Variants in NRXN1 observed in about 807,000 individuals in gnomAD.
The protein encoded by NRXN1 is neurexin-1.
NRXN1 carries 39 observed loss-of-function variants against 150.9 expected under a neutral mutation model. The ratio of observed to expected loss-of-function variants is 0.26; its 90% confidence interval spans 0.20 to 0.34. The LOEUF (loss-of-function observed/expected upper bound fraction) is 0.34. Among genes scored for constraint, NRXN1 ranks in the 10% least tolerant of loss-of-function variants. The probability of loss-of-function intolerance (pLI) is 1.00; values close to 1 mark genes in which losing one functional copy is unlikely to be tolerated. For synonymous variants in NRXN1, 924 were observed against 757.0 expected (o/e 1.22, Z -3.62); for missense variants, 1,815 against 1,949.9 (o/e 0.93, Z 1.30).
chr2:50,242,956 A>C (rs1202213507), intron 17 of NRXN1, among the ~76,000 whole-genome samples: 1 of 151,758 alleles, frequency 6.6e-6, no homozygotes, highest in Non-Finnish European at 1.5e-5. Flanking sequence ...ATCAGGTCGA[A>C]ACAAAAAATG....
At chr2:50,196,254 T>G (rs1244694084) in intron 18 of NRXN1, among the ~76,000 whole-genome samples, 1 of 152,104 alleles carries the variant, frequency 6.6e-6, no homozygotes, top group Non-Finnish European at 1.5e-5. Flanking sequence ...TAGGGTAGAT[T>G]CACTCCCTGA....
At chr2:50,322,650 A>T (rs1483672940) in intron 17 of NRXN1, among the ~76,000 whole-genome samples, 1 of 152,206 alleles carries the variant, frequency 6.6e-6, no homozygotes, top group Non-Finnish European at 1.5e-5. Context: ...CTTCACCAAG[A>T]TTTATTTGTA....
chr2:50,691,712 G>A (rs1271460230), intron 5 of NRXN1, among the ~76,000 whole-genome samples: 1 of 152,044 alleles, frequency 6.6e-6, no homozygotes, highest in Non-Finnish European at 1.5e-5. Flanking sequence ...TAGGACTCTT[G>A]CCCTCGCCAC....
chr2:50,983,589 T>C (rs1218535689), intron 2 of NRXN1, among the ~76,000 whole-genome samples: 2 of 152,122 alleles, frequency 1.3e-5, no homozygotes, highest in African/African-American at 4.8e-5. Flanking sequence ...GGTAAACACA[T>C]CCTTCCAGGG....
At chr2:50,466,630 A>G (rs2088892663) in intron 16 of NRXN1, 1 of 367,956 alleles carries the variant, frequency 2.7e-6, no homozygotes, top group Non-Finnish European at 5.3e-6. Flanking sequence ...GAGCAAACAA[A>G]TTAATACTAA....
chr2:50,910,821 A>G (rs1422573363), intron 5 of NRXN1, among the ~76,000 whole-genome samples: 1 of 151,974 alleles, frequency 6.6e-6, no homozygotes, highest in Non-Finnish European at 1.5e-5. Context: ...CCAAAAAAGT[A>G]AGATTCAGTC....
intron 5 of NRXN1, among the ~76,000 whole-genome samples, chr2:50,678,996 G>T (rs1223362617): frequency 6.6e-6 from 1 of 152,068 alleles, no homozygotes; most frequent in Admixed American, 6.6e-5. Context: ...TGGGAAGGAA[G>T]GAATTGTCTA....
chr2:50,328,482 A>G (rs1205717592), intron 17 of NRXN1, among the ~76,000 whole-genome samples: 1 of 152,132 alleles, frequency 6.6e-6, no homozygotes, highest in East Asian at 1.9e-4. Context: ...CACACCTATA[A>G]TCCCAGCACT....
At chr2:50,736,292 T>C (rs1387143831) in intron 5 of NRXN1, among the ~76,000 whole-genome samples, 1 of 152,192 alleles carries the variant, frequency 6.6e-6, no homozygotes, top group Non-Finnish European at 1.5e-5. Context: ...ACAAATGTCA[T>C]TTCTTTAGAA....
intron 2 of NRXN1, among the ~76,000 whole-genome samples, chr2:50,938,636 T>A (rs1463307857): frequency 6.6e-6 from 1 of 152,192 alleles, no homozygotes; most frequent in African/African-American, 2.4e-5. Context: ...ACTGGGTAAT[T>A]CATAAAGAGT....
At chr2:50,535,868 T>C (rs2093245185) in intron 10 of NRXN1, among the ~76,000 whole-genome samples, 2 of 152,212 alleles carry the variant, frequency 1.3e-5, no homozygotes, top group African/African-American at 4.8e-5. Context: ...GAACATGTTT[T>C]TTAATTACTT....
chr2:50,680,032 G>A (rs1034607529), intron 5 of NRXN1, among the ~76,000 whole-genome samples: 2 of 151,876 alleles, frequency 1.3e-5, no homozygotes, highest in Non-Finnish European at 2.9e-5. Flanking sequence ...GGTGGGGGTT[G>A]GGGTGGGGGG....
chr2:50,156,835 C>G (rs973337938), intron 18 of NRXN1, among the ~76,000 whole-genome samples: 3 of 151,940 alleles, frequency 2.0e-5, no homozygotes, highest in South Asian at 2.1e-4. Flanking sequence ...TTTGAATTAC[C>G]TGCAACATGT....
intron 19 of NRXN1, among the ~76,000 whole-genome samples, chr2:50,061,456 A>T (rs1158652954): frequency 6.6e-6 from 1 of 152,206 alleles, no homozygotes; most frequent in Non-Finnish European, 1.5e-5. Context: ...AAACAAGTGG[A>T]ATGTCCCTGA....
chr2:50,866,783 C>T (rs767630450), intron 5 of NRXN1, among the ~76,000 whole-genome samples: 4 of 151,818 alleles, frequency 2.6e-5, no homozygotes, highest in Non-Finnish European at 4.4e-5. Flanking sequence ...TCATGCTACT[C>T]TGGAGAATTC....
intron 5 of NRXN1, among the ~76,000 whole-genome samples, chr2:50,648,087 C>T (rs1685085735): frequency 6.6e-6 from 1 of 151,850 alleles, no homozygotes; most frequent in South Asian, 2.1e-4. Context: ...AATTTAGACT[C>T]ATTTCATTAT....
At chr2:50,232,539 A>G (rs1376659382) in intron 18 of NRXN1, among the ~76,000 whole-genome samples, 1 of 151,674 alleles carries the variant, frequency 6.6e-6, no homozygotes, top group Non-Finnish European at 1.5e-5. Context: ...GGCATGTGTC[A>G]CCACACCCAG....
At chr2:50,459,954 C>T (rs542266191) in intron 17 of NRXN1, among the ~76,000 whole-genome samples, 7 of 152,154 alleles carry the variant, frequency 4.6e-5, no homozygotes, top group Non-Finnish European at 7.4e-5. Flanking sequence ...ATGGAAGTAA[C>T]ATGATAAACA....
chr2:50,080,353 T>C (rs552509580), intron 19 of NRXN1, among the ~76,000 whole-genome samples: 41 of 152,262 alleles, frequency 2.7e-4, no homozygotes, highest in African/African-American at 9.4e-4. Flanking sequence ...GATATATGTA[T>C]AGGGAAACAC....
Sources: allele counts gnomAD v4.1 joint callset (sites outside exome capture counted in the v4.1 genomes callset), GRCh38; gene constraint gnomAD v4.1.1; transcripts MANE v1.5; gene names NCBI Gene and HGNC (gene_info 2026-07-23, HGNC 2026-07-21).